Variants in PRKX observed in about 807,000 individuals in gnomAD.
PRKX encodes cAMP-dependent protein kinase catalytic subunit PRKX.
A neutral mutation model predicts 22.0 loss-of-function variants in PRKX; 12 were observed. That is an observed-to-expected ratio of 0.54 (90% CI 0.35 to 0.88). The LOEUF is 0.88. Among genes scored for constraint, PRKX ranks in the 40% least tolerant of loss-of-function variants. PRKX has a pLI of 0.01. For synonymous variants in PRKX, 134 were observed against 137.7 expected, an observed-to-expected ratio of 0.97 and a Z score of 0.19; for missense variants, 217 against 308.0, an observed-to-expected ratio of 0.70 and a Z score of 2.21.
At position 3,688,254 on chromosome X, in the gene PRKX, C is replaced by T. The variant is rs190820578; in HGVS notation, c.167-13488G>A. 9.2e-3 allele frequency among the ~76,000 whole-genome samples: 805 copies of T among 87,626 alleles called. 21 individuals are homozygous for T. The highest frequency in any genetic ancestry group is 0.058 in the East Asian group (106 of 1,822). The allele number at this position is 87,626 out of a possible 115,157, so 76.1% of individuals were successfully genotyped here. A position where few individuals can be genotyped will look rare whatever the true frequency, so the allele number is the denominator to read the frequency against. On this transcript the variant is annotated intron_variant, in intron 1 of 8. Coordinates refer to ENST00000262848, the MANE Select transcript of PRKX (RefSeq NM_005044.5). ...TGAGGCCAAGAGTTCGAGACCAGCCCAGCCAACATGGTGAAACCCCATCTC... is the reference window on the plus strand; with the variant it reads ...TGAGGCCAAGAGTTCGAGACCAGCCTAGCCAACATGGTGAAACCCCATCTC...
chrX:3,652,140 C>G (rs1196111443), intron 3 of PRKX, among the ~76,000 whole-genome samples: 1 of 110,561 alleles, frequency 9.0e-6, no homozygotes, highest in African/African-American at 3.3e-5. Flanking sequence ...ATACTGGGGC[C>G]GGGTGCGGTG....
chrX:3,619,749 T>C (rs1390303688), intron 6 of PRKX, among the ~76,000 whole-genome samples: 3 of 111,360 alleles, frequency 2.7e-5, no homozygotes, highest in Non-Finnish European at 5.7e-5. Flanking sequence ...TCCTGTTGTT[T>C]AAGCCCCTAG....
intron 7 of PRKX, among the ~76,000 whole-genome samples, chrX:3,614,155 T>C (rs1217479642): frequency 8.9e-6 from 1 of 111,946 alleles, no homozygotes; most frequent in Non-Finnish European, 1.9e-5. Context: ...TGGAATGAAA[T>C]CCTGTCATTT....
At chrX:3,695,358 G>A (rs917011209) in intron 1 of PRKX, among the ~76,000 whole-genome samples, 11 of 112,075 alleles carry the variant, frequency 9.8e-5, no homozygotes, top group Non-Finnish European at 9.4e-5. Context: ...ATGTCTCAAA[G>A]TGAGATTTTT....
intron 1 of PRKX, among the ~76,000 whole-genome samples, chrX:3,702,086 A>C (rs1928589507): frequency 8.9e-6 from 1 of 112,112 alleles, no homozygotes; most frequent in African/African-American, 3.2e-5. Flanking sequence ...ACAAGATCCA[A>C]GAACCCTCTC....
chrX:3,645,795 A>T (rs1188958594), intron 3 of PRKX, among the ~76,000 whole-genome samples: 1 of 111,753 alleles, frequency 8.9e-6, no homozygotes, highest in Non-Finnish European at 1.9e-5. Flanking sequence ...TTAGCCAGTC[A>T]TGGTGGCTCA....
intron 4 of PRKX, among the ~76,000 whole-genome samples, chrX:3,634,683 C>T (rs1159191446): frequency 9.0e-6 from 1 of 110,996 alleles, no homozygotes; most frequent in Non-Finnish European, 1.9e-5. Flanking sequence ...TACAGCCAAC[C>T]TCCTCACAAA....
chrX:3,713,130 G>C lies in PRKX; in HGVS notation c.124C>G (p.Pro42Ala). 8.6e-7 allele frequency: 1 copy of C among 1,156,276 alleles called. No individual in the cohort carries two copies. Among genetic ancestry groups the C allele is most frequent in the Non-Finnish European group, 1.1e-6 (1 of 871,779 alleles). The part of the protein sequence containing the change: ...PSPEALSPEP[P>A]VYSLQDFDTL... ...TCAAAGTCCTGCAGGCTGTACACAG[G>C]CGGCTCCGGCGACAGCGCCTCAGGG... Residue 42 changes from proline to alanine, a missense_variant, in exon 1 of 9, where the codon CCT becomes GCT. Coordinates refer to ENST00000262848, the MANE Select transcript of PRKX (RefSeq NM_005044.5).
chrX:3,707,942 T>C (rs1325561735), intron 1 of PRKX, among the ~76,000 whole-genome samples: 1 of 112,069 alleles, frequency 8.9e-6, no homozygotes, highest in Non-Finnish European at 1.9e-5. Context: ...GCTGCTGATT[T>C]ATGCACACAG....
chrX:3,673,351 G>A (rs1398718911), intron 2 of PRKX, among the ~76,000 whole-genome samples: 1 of 111,543 alleles, frequency 9.0e-6, no homozygotes, highest in East Asian at 2.8e-4. Flanking sequence ...CAGGGGGCCA[G>A]TCCACGAGGA....
intron 1 of PRKX, among the ~76,000 whole-genome samples, chrX:3,676,750 G>A (rs1927965106): frequency 2.7e-5 from 3 of 111,776 alleles, no homozygotes; most frequent in Admixed American, 1.9e-4. Context: ...TAATCCCCAC[G>A]TGTTGTGGGA....
At chrX:3,679,074 A>C (rs1928020902) in intron 1 of PRKX, among the ~76,000 whole-genome samples, 1 of 111,013 alleles carries the variant, frequency 9.0e-6, no homozygotes, top group Non-Finnish European at 1.9e-5. Context: ...CTTTTCTTTT[A>C]ATTTTAGATT....
chrX:3,613,854 CAAAAAAAAA>C (rs1205221732), intron 7 of PRKX, among the ~76,000 whole-genome samples: 5 of 39,419 alleles, frequency 1.3e-4, no homozygotes, highest in Admixed American at 4.8e-4. Flanking sequence ...GACTCCATCT[CAAAAAAAAA>C]AAAAAAAAAA....
rs1926550628 is a variant in PRKX, at chrX:3,621,282, T to C, written c.850A>G (p.Thr284Ala). The change falls in exon 6 of 9, where the codon ACA (threonine) becomes GCA (alanine). Residue 284 changes from threonine to alanine, a missense_variant. By Grantham distance (58) the Thr-to-Ala change is moderately conservative. Coordinates refer to ENST00000262848, the MANE Select transcript of PRKX (RefSeq NM_005044.5). ...LIKKLLVVDR[T>A]RRLGNMKNGA... The stretch of plus-strand genomic sequence containing the variant: ...ACCTTCATGTTTCCTAATCGCCTTG[T>C]TCTGTCAACCACGAGCAGTTTCTTA... 1 of 1,207,039 alleles carries C rather than the reference T, an allele frequency of 8.3e-7. No individual in the cohort carries two copies. Among genetic ancestry groups the C allele is most frequent in the African/African-American group, 1.8e-5 (1 of 56,553 alleles).
chrX:3,658,236 C>T (rs1321122627), intron 2 of PRKX, among the ~76,000 whole-genome samples: 1 of 111,175 alleles, frequency 9.0e-6, no homozygotes, highest in Admixed American at 9.6e-5. Context: ...GGCGATCCAC[C>T]CGCCTCGGCC....
chrX:3,676,671 C>G (rs1927962742), intron 1 of PRKX, among the ~76,000 whole-genome samples: 1 of 111,898 alleles, frequency 8.9e-6, no homozygotes, highest in Non-Finnish European at 1.9e-5. Context: ...CATGATCTCA[C>G]TTATACAAGG....
intron 4 of PRKX, among the ~76,000 whole-genome samples, chrX:3,637,361 G>C (rs190730016): frequency 9.0e-6 from 1 of 111,469 alleles, no homozygotes; most frequent in African/African-American, 3.3e-5. Context: ...GGGCTCCCAG[G>C]GAATAGGGAC....
At chrX:3,629,773 G>A (rs1267998558) in intron 4 of PRKX, among the ~76,000 whole-genome samples, 1 of 111,477 alleles carries the variant, frequency 9.0e-6, no homozygotes, top group African/African-American at 3.3e-5. Flanking sequence ...CCCACCTCAG[G>A]CTCCCATGTA....
chrX:3,618,816 G>C (rs1356994222), intron 6 of PRKX, among the ~76,000 whole-genome samples: 6 of 110,970 alleles, frequency 5.4e-5, no homozygotes, highest in South Asian at 3.9e-4. Context: ...GCAGATTCTA[G>C]ATATGGGTCG....
Sources: gnomAD v4.1 joint callset for allele counts (sites outside exome capture counted in the v4.1 genomes callset) on GRCh38, gnomAD v4.1.1 for gene constraint, MANE v1.5 for transcripts, NCBI Gene and HGNC (gene_info 2026-07-23, HGNC 2026-07-21) for gene names.